Variants in KCND3 observed in about 807,000 individuals in gnomAD.
The protein encoded by KCND3 is potassium voltage-gated channel subfamily D member 3, also known as A-type voltage-gated potassium channel KCND3.
KCND3 carries 9 observed loss-of-function variants against 51.1 expected under a neutral mutation model. The ratio of observed to expected loss-of-function variants is 0.18; its 90% CI spans 0.11 to 0.31. The LOEUF (loss-of-function observed/expected upper bound fraction) is 0.31. Among genes scored for constraint, KCND3 ranks in the 10% least tolerant of loss-of-function variants. The probability of loss-of-function intolerance (pLI) is 1.00; values close to 1 mark genes in which losing one functional copy is unlikely to be tolerated. For missense variants in KCND3, 526 were observed against 903.8 expected, an observed-to-expected ratio of 0.58 and a Z score of 5.36; for synonymous variants, 349 against 368.0, an observed-to-expected ratio of 0.95 and a Z score of 0.59.
intron 2 of KCND3, among the ~76,000 whole-genome samples, chr1:111,876,911 C>T (rs1228874983): frequency 3.3e-5 from 5 of 152,198 alleles, no homozygotes; most frequent in Non-Finnish European, 7.3e-5. Context: ...GCCTGGCTCC[C>T]AGGGACCTTC....
intron 2 of KCND3, among the ~76,000 whole-genome samples, chr1:111,805,221 AG>A (rs1293801330): frequency 2.7e-5 from 4 of 145,486 alleles, no homozygotes; most frequent in African/African-American, 5.6e-5. Context: ...CAACCCCAAC[AG>A]GGGGAAAAAA....
intron 2 of KCND3, among the ~76,000 whole-genome samples, chr1:111,911,250 A>C (rs1309504511): frequency 2.0e-5 from 3 of 152,252 alleles, no homozygotes; most frequent in Admixed American, 6.5e-5. Context: ...CTGGCTTGAA[A>C]GTACATGATT....
Position 111,772,174 on chromosome 1 carries a change from C to G in KCND3, c.*3903G>C, listed in dbSNP as rs1176420618. ...TGAATCAAGGATTTAGCTACTTTACCTACTACCATCACAGACTGTCATAAG... is the reference window on the plus strand; with the variant it reads ...TGAATCAAGGATTTAGCTACTTTACGTACTACCATCACAGACTGTCATAAG... On this transcript the variant is annotated 3_prime_UTR_variant, in exon 8 of 8. Transcript: ENST00000302127. 4 of 152,134 alleles carry G rather than the reference C, an allele frequency of 2.6e-5. No individual in the cohort carries two copies. In the East Asian group the frequency reaches 7.7e-4, roughly 29 times the overall value. 9.4% of individuals were successfully genotyped at this position (152,134 alleles called of 1,614,324 possible). A position where few individuals can be genotyped will look rare whatever the true frequency, so the allele number is the denominator to read the frequency against.
At chr1:111,851,337 G>A (rs77386332) in intron 2 of KCND3, among the ~76,000 whole-genome samples, 2,544 of 152,264 alleles carry the variant, frequency 0.017, 27 homozygotes, top group Non-Finnish European at 0.025. Context: ...CTTGATAAAT[G>A]CTTGCTGAGT....
In KCND3 at chr1:111,981,274, C is replaced by G. The variant is rs79758170; in HGVS notation, c.1106+347G>C. ...AACAACTGCCCTGACCTTCTCCCCA[C>G]GCTGCCCCATATGCGCAAATGCATA... On this transcript the variant is annotated intron_variant, in intron 2 of 7. Transcript: ENST00000302127. This position sits in a 1 kb window ranked among gnomAD's most constrained non-coding sequence, Gnocchi z 6.2. Among the ~76,000 whole-genome samples the G allele has an allele frequency of 1.3e-5, 2 of 152,160 alleles. No individual in the cohort carries two copies. Among genetic ancestry groups the G allele is most frequent in the Non-Finnish European group, 2.9e-5 (2 of 68,040 alleles).
intron 2 of KCND3, among the ~76,000 whole-genome samples, chr1:111,938,799 G>A (rs1672343340): frequency 6.6e-6 from 1 of 152,158 alleles, no homozygotes; most frequent in African/African-American, 2.4e-5. Flanking sequence ...GAGGGAGCAG[G>A]GATGTGCCAG....
chr1:111,836,034 T>C (rs1236871256), intron 2 of KCND3, among the ~76,000 whole-genome samples: 1 of 152,190 alleles, frequency 6.6e-6, no homozygotes, highest in Non-Finnish European at 1.5e-5. Context: ...TGCTGTTGCT[T>C]TTTTCTCCAA....
intron 2 of KCND3, among the ~76,000 whole-genome samples, chr1:111,953,407 A>G (rs112013414): frequency 9.6e-4 from 146 of 152,360 alleles, no homozygotes; most frequent in African/African-American, 3.4e-3. Context: ...TTTGGGAGAC[A>G]CAGAAAACCA....
intron 2 of KCND3, among the ~76,000 whole-genome samples, chr1:111,947,148 A>ATTAATTG (rs1236401952): frequency 2.0e-5 from 3 of 152,168 alleles, no homozygotes; most frequent in Non-Finnish European, 4.4e-5. Context: ...GTACCATTTT[A>ATTAATTG]TTAATTGTTT....
intron 2 of KCND3, among the ~76,000 whole-genome samples, chr1:111,801,144 A>G (rs900550588): frequency 6.6e-6 from 1 of 152,204 alleles, no homozygotes; most frequent in Non-Finnish European, 1.5e-5. Flanking sequence ...AGCTGCCTCA[A>G]CTGCACAGTA....
At chr1:111,864,223 C>T (rs892561796) in intron 2 of KCND3, among the ~76,000 whole-genome samples, 2 of 152,044 alleles carry the variant, frequency 1.3e-5, no homozygotes, top group South Asian at 4.2e-4. Flanking sequence ...ACATGGCACT[C>T]ACTGATAAGA....
At chr1:111,881,193 C>T (rs1326286734) in intron 2 of KCND3, among the ~76,000 whole-genome samples, 2 of 152,250 alleles carry the variant, frequency 1.3e-5, no homozygotes, top group Non-Finnish European at 2.9e-5. Context: ...GTCTCCCGTT[C>T]CTACCCAGAG....
intron 2 of KCND3, among the ~76,000 whole-genome samples, chr1:111,873,663 ATC>A (rs562236719): frequency 3.3e-4 from 50 of 151,982 alleles, no homozygotes; most frequent in Non-Finnish European, 5.4e-4. Context: ...GCTAGAGAGG[ATC>A]TCTCTCTCAA....
intron 2 of KCND3, among the ~76,000 whole-genome samples, chr1:111,880,990 G>C (rs551415453): frequency 4.0e-4 from 61 of 151,992 alleles, no homozygotes; most frequent in Non-Finnish European, 4.6e-4. Flanking sequence ...TTCCCAACAC[G>C]ACCTCCTCTG....
chr1:111,983,605 A>G (rs1557770161), intron 1 of KCND3, among the ~76,000 whole-genome samples: 1 of 151,998 alleles, frequency 6.6e-6, no homozygotes, highest in Non-Finnish European at 1.5e-5. Context: ...ACTTCCATGC[A>G]TCGTCTCTCT....
At chr1:111,885,872 C>A (rs1669548612) in intron 2 of KCND3, among the ~76,000 whole-genome samples, 1 of 152,014 alleles carries the variant, frequency 6.6e-6, no homozygotes, top group Non-Finnish European at 1.5e-5. Flanking sequence ...GGGGTTTCAC[C>A]ATGTTGGCCA....
intron 2 of KCND3, among the ~76,000 whole-genome samples, chr1:111,900,893 G>C (rs1165241586): frequency 6.6e-6 from 1 of 151,786 alleles, no homozygotes; most frequent in Non-Finnish European, 1.5e-5. Context: ...GGAGGCAGAG[G>C]TTGCAGTGAG....
At chr1:111,865,133 C>T (rs911942557) in intron 2 of KCND3, among the ~76,000 whole-genome samples, 9 of 152,182 alleles carry the variant, frequency 5.9e-5, no homozygotes, top group African/African-American at 1.9e-4. Flanking sequence ...CATGCTGTGA[C>T]TTTAAGCTGT....
At chr1:111,962,223 A>G (rs1201820913) in intron 2 of KCND3, among the ~76,000 whole-genome samples, 11 of 152,184 alleles carry the variant, frequency 7.2e-5, no homozygotes, top group Non-Finnish European at 1.5e-4. Flanking sequence ...GTTTGATCAC[A>G]TTGTAAGAAA....
Sources: gnomAD v4.1 joint callset for allele counts (sites outside exome capture counted in the v4.1 genomes callset) on GRCh38, gnomAD v4.1.1 for gene constraint, Gnocchi (gnomAD v3.1) non-coding constraint, MANE v1.5 for transcripts, NCBI Gene and HGNC (gene_info 2026-07-23, HGNC 2026-07-21) for gene names.